TANC2: variants seen among roughly 807,000 people sequenced by gnomAD.
TANC2 encodes tetratricopeptide repeat, ankyrin repeat and coiled-coil containing 2, also known as protein TANC2.
TANC2 carries 26 observed loss-of-function variants against 210.5 expected under a neutral mutation model. That is an observed-to-expected ratio of 0.12 (90% CI 0.09 to 0.17). The LOEUF (loss-of-function observed/expected upper bound fraction) is 0.17. Among genes scored for constraint, TANC2 ranks in the 10% least tolerant of loss-of-function variants. TANC2 has a pLI of 1.00. For synonymous variants in TANC2, 931 were observed against 967.1 expected, an observed-to-expected ratio of 0.96 and a Z score of 0.69; for missense variants, 2,129 against 2,608.9, an observed-to-expected ratio of 0.82 and a Z score of 4.01.
chr17:63,001,936 C>A (rs1433937822), intron 1 of TANC2, among the ~76,000 whole-genome samples: 3 of 152,208 alleles, frequency 2.0e-5, no homozygotes, highest in Admixed American at 1.3e-4. Flanking sequence ...ATATTTAGCA[C>A]TTCCTGTGTA....
intron 7 of TANC2, among the ~76,000 whole-genome samples, chr17:63,203,076 A>C (rs528835243): frequency 1.3e-5 from 2 of 152,282 alleles, no homozygotes; most frequent in Non-Finnish European, 2.9e-5. Flanking sequence ...TTACCGAGTC[A>C]TGGGGCATAT....
intron 7 of TANC2, among the ~76,000 whole-genome samples, chr17:63,202,600 A>C (rs191096561): frequency 1.2e-3 from 186 of 152,276 alleles, no homozygotes; most frequent in African/African-American, 4.3e-3. Flanking sequence ...ATCATCTATG[A>C]TATTGCACAT....
At chr17:63,142,363 T>C (rs1200158467) in intron 4 of TANC2, among the ~76,000 whole-genome samples, 3 of 152,210 alleles carry the variant, frequency 2.0e-5, no homozygotes, top group Non-Finnish European at 4.4e-5. Flanking sequence ...CCATTTCATC[T>C]AAGTTATCAA....
intron 1 of TANC2, chr17:62,968,531 G>T (rs1021923200): frequency 6.6e-6 from 1 of 152,244 alleles, no homozygotes; most frequent in Non-Finnish European, 1.5e-5. Flanking sequence ...AAGAACAGAG[G>T]AAAGGGCCAG....
intron 3 of TANC2, among the ~76,000 whole-genome samples, chr17:63,087,852 T>G (rs2037034472): frequency 1.3e-5 from 2 of 152,342 alleles, no homozygotes; most frequent in South Asian, 4.1e-4. Context: ...TATAGTCACC[T>G]GTCTCTCTCC....
intron 11 of TANC2, chr17:63,332,172 G>A: frequency 2.7e-6 from 1 of 367,578 alleles, no homozygotes; most frequent in Non-Finnish European, 5.3e-6. Flanking sequence ...AAGTTGCAAA[G>A]CCACACACTG....
rs754020906 is a variant in TANC2 at position 63,099,237 on chromosome 17, G to T, written c.202G>T (p.Val68Leu). 27 of 1,610,198 alleles carry T rather than the reference G, an allele frequency of 1.7e-5. No individual in the cohort carries two copies. Among genetic ancestry groups the T allele is most frequent in the Middle Eastern group, 3.3e-4 (2 of 6,070 alleles). ...AGACTACGCTGTCCCGCCACTTCCAGTGAGTGAAGGTATGCAGCACATTCG... is the reference window on the plus strand; with the variant it reads ...AGACTACGCTGTCCCGCCACTTCCATTGAGTGAAGGTATGCAGCACATTCG... The change falls in exon 4 of 28, where the codon GTG (valine) becomes TTG (leucine). Residue 68 changes from valine to leucine, a missense_variant. Val to Leu is a conservative substitution (Grantham distance 32, BLOSUM62 1). Transcript: ENST00000689528.
chr17:63,264,535 GTGTCTTGAA>G (rs1227165401), intron 8 of TANC2, among the ~76,000 whole-genome samples: 5 of 152,274 alleles, frequency 3.3e-5, no homozygotes, highest in African/African-American at 1.2e-4. Context: ...GGTTATCATT[GTGTCTTGAA>G]TGTTGAGAAC....
chr17:63,211,041 T>C (rs945969921), intron 7 of TANC2, among the ~76,000 whole-genome samples: 5 of 152,150 alleles, frequency 3.3e-5, no homozygotes, highest in African/African-American at 1.2e-4. Context: ...ATTTTCATCC[T>C]TCATAGCATT....
chr17:63,346,000 T>C (rs2046395603), intron 12 of TANC2, among the ~76,000 whole-genome samples: 1 of 152,208 alleles, frequency 6.6e-6, no homozygotes, highest in African/African-American at 2.4e-5. Context: ...TCAATTGATC[T>C]TCTCTAAGAT....
At chr17:63,311,018 C>T (rs143440973) in intron 9 of TANC2, among the ~76,000 whole-genome samples, 3 of 152,286 alleles carry the variant, frequency 2.0e-5, no homozygotes, top group Non-Finnish European at 4.4e-5. Flanking sequence ...GGAACTAGAG[C>T]ATAGTAGATA....
chr17:63,333,192 G>A (rs926060354), intron 11 of TANC2, among the ~76,000 whole-genome samples: 2 of 152,132 alleles, frequency 1.3e-5, no homozygotes, highest in African/African-American at 4.8e-5. Context: ...TGTTCTGATG[G>A]ATCTGGGCAA....
chr17:63,170,327 C>T (rs2040360899), intron 5 of TANC2, among the ~76,000 whole-genome samples: 1 of 149,460 alleles, frequency 6.7e-6, no homozygotes, highest in Admixed American at 6.7e-5. Flanking sequence ...CCCAGCTACT[C>T]GGGAGGCTCA....
At chr17:63,028,694 G>T (rs2144103884) in intron 2 of TANC2, among the ~76,000 whole-genome samples, 1 of 152,190 alleles carries the variant, frequency 6.6e-6, no homozygotes, top group South Asian at 2.1e-4. Flanking sequence ...TCTTGGATCT[G>T]CTGGTTTTCA....
intron 1 of TANC2, among the ~76,000 whole-genome samples, chr17:62,987,619 G>A (rs2032635646): frequency 2.0e-5 from 3 of 152,158 alleles, no homozygotes; most frequent in African/African-American, 7.2e-5. Flanking sequence ...CTGACTCCAG[G>A]CAGATCTGAT....
At chr17:63,085,802 G>A (rs2036942485) in intron 3 of TANC2, among the ~76,000 whole-genome samples, 1 of 152,014 alleles carries the variant, frequency 6.6e-6, no homozygotes. Context: ...GAACAATTAA[G>A]AATTTTTTAA....
At chr17:63,149,389 C>T (rs1171518082) in intron 4 of TANC2, 1 of 152,078 alleles carries the variant, frequency 6.6e-6, no homozygotes, top group Non-Finnish European at 1.5e-5. Context: ...CCATCCTTCA[C>T]TTTTTTTCTT....
chr17:63,077,558 C>G (rs74504179), intron 3 of TANC2, among the ~76,000 whole-genome samples: 2 of 152,068 alleles, frequency 1.3e-5, no homozygotes, highest in African/African-American at 4.8e-5. Context: ...AAACCTGATG[C>G]AATTAATTGT....
chr17:63,237,566 G>A (rs763722881), intron 7 of TANC2, among the ~76,000 whole-genome samples: 9 of 151,972 alleles, frequency 5.9e-5, no homozygotes, highest in Non-Finnish European at 1.0e-4. Flanking sequence ...GTTTTCTGTA[G>A]GTTTTCTTGT....
Sources: gnomAD v4.1 joint callset for allele counts (sites outside exome capture counted in the v4.1 genomes callset) on GRCh38, gnomAD v4.1.1 for gene constraint, MANE v1.5 for transcripts, NCBI Gene and HGNC (gene_info 2026-07-23, HGNC 2026-07-21) for gene names.